KCND3: variants seen among roughly 807,000 people sequenced by gnomAD.
KCND3 encodes potassium voltage-gated channel subfamily D member 3.
Under a neutral mutation model 51.1 loss-of-function variants are expected in KCND3, and 9 were observed. The ratio of observed to expected loss-of-function variants is 0.18; its 90% CI spans 0.11 to 0.31. The LOEUF (loss-of-function observed/expected upper bound fraction) is 0.31, where lower values mean the gene tolerates loss of function less well. KCND3 is among the 10% of genes least tolerant of loss of function. KCND3 has a pLI of 1.00. For synonymous variants in KCND3, 349 were observed against 368.0 expected (o/e 0.95, Z 0.59); for missense variants, 526 against 903.8 (o/e 0.58, Z 5.36).
At chr1:111,887,754 A>G (rs1334923911) in intron 2 of KCND3, among the ~76,000 whole-genome samples, 1 of 152,232 alleles carries the variant, frequency 6.6e-6, no homozygotes, top group Non-Finnish European at 1.5e-5. Context: ...CGGCACTTAA[A>G]TATGAGAGGG....
chr1:111,788,099 C>T (rs921058946), intron 2 of KCND3, among the ~76,000 whole-genome samples: 2 of 152,228 alleles, frequency 1.3e-5, no homozygotes, highest in African/African-American at 4.8e-5. Flanking sequence ...CCCTCTGGAA[C>T]CAGGTTGGCC....
At chr1:111,895,180 C>A (rs2587369) in intron 2 of KCND3, among the ~76,000 whole-genome samples, 6 of 146,912 alleles carry the variant, frequency 4.1e-5, no homozygotes, top group South Asian at 2.2e-4. Context: ...GGAGGGAGAC[C>A]AAGAGCAAGG....
At chr1:111,910,321 AAC>A (rs1485502494) in intron 2 of KCND3, 1 of 152,246 alleles carries the variant, frequency 6.6e-6, no homozygotes, top group Non-Finnish European at 1.5e-5. Context: ...AATGTATGTG[AAC>A]AGTCTTTCAA....
At position 111,775,818 on chromosome 1, in the gene KCND3, G is replaced by GGCCCCCCC; in HGVS notation, c.*258_*259insGGGGGGGC. The GGCCCCCCC allele has an allele frequency of 3.0e-5, 3 of 99,730 alleles. No homozygotes were observed. The highest frequency in any genetic ancestry group is 1.5e-4 in the Admixed American group (1 of 6,794). 6.2% of individuals were successfully genotyped at this position (99,730 alleles called of 1,614,324 possible). ...AGCCTATATCCCCCGGCCTATCCCCGACCCCCCCACCCTCCCTCCCTTCCT... is the reference window on the plus strand; with the variant it reads ...AGCCTATATCCCCCGGCCTATCCCCGGCCCCCCCACCCCCCCACCCTCCCTCCCTTCCT... On this transcript the variant is annotated 3_prime_UTR_variant, in exon 8 of 8. Coordinates refer to ENST00000302127, the MANE Select transcript of KCND3 (RefSeq NM_001378969.1).
At chr1:111,784,815 G>A (rs1476375891) in intron 3 of KCND3, among the ~76,000 whole-genome samples, 2 of 150,936 alleles carry the variant, frequency 1.3e-5, no homozygotes, top group Non-Finnish European at 3.0e-5. Context: ...AGGGGAGAGA[G>A]AAGAGGGAGA....
chr1:111,941,404 G>A (rs1323681218), intron 2 of KCND3, among the ~76,000 whole-genome samples: 1 of 152,074 alleles, frequency 6.6e-6, no homozygotes, highest in Admixed American at 6.5e-5. Context: ...TATAATCTGG[G>A]AGAGCCCAAA....
intron 2 of KCND3, among the ~76,000 whole-genome samples, chr1:111,896,238 C>T (rs758137064): frequency 1.3e-5 from 2 of 152,126 alleles, no homozygotes; most frequent in Admixed American, 6.5e-5. Flanking sequence ...TGTCCACGGA[C>T]GGCATGACGT....
chr1:111,827,941 C>T (rs762656247), intron 2 of KCND3, among the ~76,000 whole-genome samples: 11 of 152,082 alleles, frequency 7.2e-5, no homozygotes, highest in Non-Finnish European at 1.5e-4. Flanking sequence ...AGAGTGAGGC[C>T]CCTGGTCTCA....
chr1:111,940,311 T>C (rs1557733517), intron 2 of KCND3, among the ~76,000 whole-genome samples: 1 of 152,148 alleles, frequency 6.6e-6, no homozygotes, highest in Non-Finnish European at 1.5e-5. Flanking sequence ...CATGCCTATG[T>C]CCTGAATGGT....
At chr1:111,799,402 G>A (rs1007755323) in intron 2 of KCND3, among the ~76,000 whole-genome samples, 5 of 152,202 alleles carry the variant, frequency 3.3e-5, no homozygotes, top group Non-Finnish European at 5.9e-5. Flanking sequence ...ATGCAGATGT[G>A]AAAAAGAAAC....
intron 2 of KCND3, among the ~76,000 whole-genome samples, chr1:111,921,535 A>G (rs1204737979): frequency 1.3e-5 from 2 of 152,226 alleles, no homozygotes; most frequent in African/African-American, 2.4e-5. Flanking sequence ...CTGAAAGGGC[A>G]GGGGAGGGAG....
intron 2 of KCND3, among the ~76,000 whole-genome samples, chr1:111,923,371 G>A (rs1671562343): frequency 6.6e-6 from 1 of 152,178 alleles, no homozygotes; most frequent in East Asian, 1.9e-4. Context: ...CAGGGCTGAG[G>A]CTGAAAAGCT....
At chr1:111,877,294 T>G (rs1669094346) in intron 2 of KCND3, among the ~76,000 whole-genome samples, 1 of 152,234 alleles carries the variant, frequency 6.6e-6, no homozygotes, top group Non-Finnish European at 1.5e-5. Context: ...TGGGATGAGG[T>G]TCCTCTATGT....
chr1:111,820,259 T>A (rs1557957818), intron 2 of KCND3, among the ~76,000 whole-genome samples: 1 of 152,226 alleles, frequency 6.6e-6, no homozygotes, highest in Non-Finnish European at 1.5e-5. Context: ...CCCTGCTGGT[T>A]CTACCTGTCA....
Position 111,775,827 on chromosome 1 carries a change from A to ACCCCCCCCCC in KCND3, c.*249_*250insGGGGGGGGGG. On this transcript the variant is annotated 3_prime_UTR_variant, in exon 8 of 8. Transcript: ENST00000302127. ...CCCCCGGCCTATCCCCGACCCCCCC[A>ACCCCCCCCCC]CCCTCCCTCCCTTCCTCTGGCCCCA... The ACCCCCCCCCC allele has an allele frequency of 1.3e-5, 1 of 75,850 alleles. No homozygotes were observed. The allele number at this position is 75,850 out of a possible 1,614,324, so 4.7% of individuals were successfully genotyped here.
At chr1:111,811,467 C>T (rs534827123) in intron 2 of KCND3, among the ~76,000 whole-genome samples, 1 of 152,292 alleles carries the variant, frequency 6.6e-6, no homozygotes, top group African/African-American at 2.4e-5. Flanking sequence ...CGCAGAAAAG[C>T]TGTGAGGGGT....
intron 2 of KCND3, among the ~76,000 whole-genome samples, chr1:111,865,617 T>C (rs1479244027): frequency 1.3e-5 from 2 of 152,230 alleles, no homozygotes; most frequent in Non-Finnish European, 2.9e-5. Flanking sequence ...GTAGAGATTC[T>C]AGCAACTCCA....
Position 111,774,774 on chromosome 1 carries a change from A to G in KCND3, c.*1303T>C, listed in dbSNP as rs1263813897. On this transcript the variant is annotated 3_prime_UTR_variant, in exon 8 of 8. Coordinates refer to ENST00000302127, the MANE Select transcript of KCND3 (RefSeq NM_001378969.1). Reference sequence around the variant, plus strand: ...CCTCTGGTTTGATATAAGTCAGAGGAATCTTGGTCCCCGTACCACTGCCCT... The same window carrying G: ...CCTCTGGTTTGATATAAGTCAGAGGGATCTTGGTCCCCGTACCACTGCCCT... The G allele has an allele frequency of 6.6e-6, 1 of 152,092 alleles. No individual in the cohort carries two copies. Among genetic ancestry groups the G allele is most frequent in the Non-Finnish European group, 1.5e-5 (1 of 68,036 alleles). 9.4% of individuals were successfully genotyped at this position (152,092 alleles called of 1,614,324 possible). A position where few individuals can be genotyped will look rare whatever the true frequency, so the allele number is the denominator to read the frequency against.
chr1:111,796,401 C>CA (rs35252041), intron 2 of KCND3, among the ~76,000 whole-genome samples: 27,274 of 147,254 alleles, frequency 0.19, 5,221 homozygotes, highest in African/African-American at 0.49. Context: ...TAGACCAGAC[C>CA]AAAAAAAAAA....
Sources: allele counts gnomAD v4.1 joint callset (sites outside exome capture counted in the v4.1 genomes callset), GRCh38; gene constraint gnomAD v4.1.1; transcripts MANE v1.5; gene names NCBI Gene and HGNC (gene_info 2026-07-23, HGNC 2026-07-21).